THUMPD2: variants seen among roughly 807,000 people sequenced by gnomAD.
THUMPD2 encodes the protein THUMP domain 2 tRNA and snRNA guanosine methyltransferase.
THUMPD2 carries 56 observed loss-of-function variants against 49.4 expected under a neutral mutation model. The observed-to-expected ratio is 1.13, with a 90% CI of 0.91 to 1.41. The LOEUF (loss-of-function observed/expected upper bound fraction) is 1.41. Ranked by LOEUF, THUMPD2 falls within the 40% of genes most tolerant of loss-of-function variation. THUMPD2 has a pLI of 0.00. For synonymous variants in THUMPD2, 237 were observed against 205.2 expected (o/e 1.15, Z -1.32); for missense variants, 709 against 594.5 (o/e 1.19, Z -2.00).
chr2:39,756,986 T>G (rs1028538996), intron 6 of THUMPD2, among the ~76,000 whole-genome samples: 1 of 150,280 alleles, frequency 6.7e-6, no homozygotes, highest in African/African-American at 2.4e-5. Flanking sequence ...TTGGAAGAGA[T>G]ACCCTTCTGG....
At chr2:39,772,657 C>T (rs1678487751) in intron 1 of THUMPD2, among the ~76,000 whole-genome samples, 1 of 152,140 alleles carries the variant, frequency 6.6e-6, no homozygotes, top group East Asian at 1.9e-4. Context: ...AATCTTAACT[C>T]TTTTAGGGTC....
At chr2:39,761,297 T>C (rs1467658250) in intron 6 of THUMPD2, 34 bp downstream of exon 6, 7 of 1,580,606 alleles carry the variant, frequency 4.4e-6, no homozygotes, top group South Asian at 3.3e-5. Context: ...GAAAAGAACC[T>C]TGCTATTAAC....
Position 39,736,823 on chromosome 2 carries a change from A to C in THUMPD2, c.1424T>G (p.Leu475Trp), listed in dbSNP as rs750366122. The C allele has an allele frequency of 6.2e-7, 1 of 1,614,106 alleles. No homozygotes were observed. The highest frequency in any genetic ancestry group is 8.5e-7 in the Non-Finnish European group (1 of 1,180,044). ...FLDRMSPFGS[L>W]VPVECYKVSL... is the part of the protein sequence containing the mutation. ...AACTTTGTAGCATTCCACTGGTACCAAGGAGCCAAATGGTGACATTCTGTC... is the reference window on the plus strand; with the variant it reads ...AACTTTGTAGCATTCCACTGGTACCCAGGAGCCAAATGGTGACATTCTGTC... The change falls in exon 10 of 10, where the codon TTG becomes TGG. Residue 475 changes from leucine (L) to tryptophan (W), a missense_variant. Transcript: ENST00000505747.
intron 6 of THUMPD2, chr2:39,757,230 G>T: frequency 2.2e-6 from 1 of 464,718 alleles, no homozygotes. Flanking sequence ...GGGCAAGGAG[G>T]AGCAAGCAGG....
chr2:39,773,067 C>G (rs1459394623), intron 1 of THUMPD2, among the ~76,000 whole-genome samples: 3 of 152,122 alleles, frequency 2.0e-5, no homozygotes, highest in Non-Finnish European at 4.4e-5. Flanking sequence ...GTTTAGGAAT[C>G]AATATATAAG....
intron 8 of THUMPD2, among the ~76,000 whole-genome samples, chr2:39,752,841 T>C (rs1675594381): frequency 6.6e-6 from 1 of 152,190 alleles, no homozygotes; most frequent in Non-Finnish European, 1.5e-5. Flanking sequence ...GTATCAACAG[T>C]GGAGAAGAGT....
rs146912410 is a variant in THUMPD2, at chr2:39,753,562, T to G, written c.1078+1733A>C. Among the ~76,000 whole-genome samples the G allele has an allele frequency of 1.7e-3, 264 of 152,304 alleles. 2 individuals carry two copies. The highest frequency in any genetic ancestry group is 6.0e-3 in the African/African-American group (249 of 41,558). Reference sequence around the variant, plus strand: ...TGTATACTGAGGTACTAACTTGACATCTTCACTTAGAGTCTAATAATCGTG... The same window carrying G: ...TGTATACTGAGGTACTAACTTGACAGCTTCACTTAGAGTCTAATAATCGTG... On this transcript the variant is annotated intron_variant, in intron 8 of 9. Transcript: ENST00000505747.
intron 9 of THUMPD2, among the ~76,000 whole-genome samples, chr2:39,743,331 A>T (rs1021434179): frequency 6.6e-6 from 1 of 152,174 alleles, no homozygotes; most frequent in Non-Finnish European, 1.5e-5. Flanking sequence ...CCATTAGAAA[A>T]ATGCATATCC....
chr2:39,744,712 G>C lies in THUMPD2; in HGVS notation c.1079-234C>G, dbSNP rs1417992098. ...ATTGGTTTTTCAGATACAATAAAAT[G>C]TAAGTTAAGCAGAATTTTACATTAG... On this transcript the variant is annotated intron_variant, in intron 8 of 9. Coordinates refer to ENST00000505747, the MANE Select transcript of THUMPD2 (RefSeq NM_025264.5). 1.7e-5 allele frequency: 5 copies of C among 290,764 alleles called. No individual in the cohort carries two copies. The South Asian group carries it at 3.4e-4, about 20-fold the overall frequency. 18.0% of individuals were successfully genotyped at this position (290,764 alleles called of 1,614,324 possible). A position where few individuals can be genotyped will look rare whatever the true frequency, so the allele number is the denominator to read the frequency against.
intron 9 of THUMPD2, among the ~76,000 whole-genome samples, chr2:39,737,666 G>GCATGAGGGGCTTGGGAA (rs1307528538): frequency 1.3e-5 from 2 of 152,226 alleles, no homozygotes; most frequent in Non-Finnish European, 2.9e-5. Context: ...ATCAAGGCAA[G>GCATGAGGGGCTTGGGAA]CATGAGGGGC....
intron 8 of THUMPD2, among the ~76,000 whole-genome samples, chr2:39,748,175 T>C (rs1572767999): frequency 6.6e-6 from 1 of 152,316 alleles, no homozygotes; most frequent in South Asian, 2.1e-4. Flanking sequence ...TGATTATAGA[T>C]TTCCAGTATA....
intron 8 of THUMPD2, among the ~76,000 whole-genome samples, chr2:39,751,634 C>T (rs1045295914): frequency 1.3e-4 from 20 of 149,180 alleles, no homozygotes; most frequent in Non-Finnish European, 2.4e-4. Context: ...ATTTTCATAA[C>T]GATTAAAACT....
rs758175538 is a variant in THUMPD2, at chr2:39,771,487, C to G, written c.262+18G>C. On this transcript the variant is annotated intron_variant, in intron 2 of 9. Transcript: ENST00000505747. ...GTATCATGTGGGTAAAAGCAACATG[C>G]ATATGAATATGCCATACCTTTACTT... 1 of 1,578,646 alleles carries G rather than the reference C, an allele frequency of 6.3e-7. No homozygotes were observed. Among genetic ancestry groups the G allele is most frequent in the Non-Finnish European group, 8.6e-7 (1 of 1,169,292 alleles).
intron 9 of THUMPD2, among the ~76,000 whole-genome samples, chr2:39,743,337 T>C (rs1305618090): frequency 6.6e-6 from 1 of 152,236 alleles, no homozygotes; most frequent in African/African-American, 2.4e-5. Context: ...GAAAAATGCA[T>C]ATCCATGACT....
chr2:39,775,487 C>T (rs1678950303), intron 1 of THUMPD2, among the ~76,000 whole-genome samples: 1 of 151,974 alleles, frequency 6.6e-6, no homozygotes, highest in Admixed American at 6.6e-5. Context: ...AAAGGGCATT[C>T]AGCTGGGCAT....
chr2:39,766,058 T>G lies in THUMPD2; in HGVS notation c.802A>C (p.Arg268=). Residue 268 remains arginine (R), a splice_region_variant and synonymous_variant, in exon 5 of 10, where the codon AGG becomes CGG. Coordinates refer to ENST00000505747, the MANE Select transcript of THUMPD2 (RefSeq NM_025264.5). The part of the protein sequence containing the change: ...IYSVVGIPVF[R]VSLASRAYIK... ...AAACCGGAAGCTTAGAATATCTACC[T>G]GAACACAGGAATCCCCACCACAGAG... 2.5e-6 allele frequency: 4 copies of G among 1,581,054 alleles called. No homozygotes were observed. Among genetic ancestry groups the G allele is most frequent in the Non-Finnish European group, 3.4e-6 (4 of 1,168,364 alleles).
At chr2:39,771,100 T>C (rs544238141) in intron 2 of THUMPD2, among the ~76,000 whole-genome samples, 1 of 152,252 alleles carries the variant, frequency 6.6e-6, no homozygotes, top group African/African-American at 2.4e-5. Context: ...TACTATGCAG[T>C]ATTTTTCCAA....
chr2:39,769,837 T>C lies in THUMPD2; in HGVS notation c.545A>G (p.Glu182Gly). 1 of 1,612,772 alleles carries C rather than the reference T, an allele frequency of 6.2e-7. No individual in the cohort carries two copies. The highest frequency in any genetic ancestry group is 8.5e-7 in the Non-Finnish European group (1 of 1,179,634). The change falls in exon 3 of 10, where the codon GAA (glutamate) becomes GGA (glycine). Residue 182 changes from glutamate (E) to glycine (G), a missense_variant. Physicochemically the swap from Glu to Gly is moderately conservative, Grantham distance 98. Coordinates refer to ENST00000505747, the MANE Select transcript of THUMPD2 (RefSeq NM_025264.5). ...LEQRDFTTKSEKFQEEEFQND... is the reference protein window; with the variant it reads ...LEQRDFTTKSGKFQEEEFQND... Reference sequence around the variant, plus strand: ...CTGAAATTCTTCTTCTTGAAACTTTTCGCTTTTAGTGGTAAAATCTCTTTG... The same window carrying C: ...CTGAAATTCTTCTTCTTGAAACTTTCCGCTTTTAGTGGTAAAATCTCTTTG...
intron 3 of THUMPD2, chr2:39,769,119 C>T (rs185810291): frequency 3.5e-4 from 451 of 1,300,010 alleles, no homozygotes; most frequent in Admixed American, 2.4e-3. Flanking sequence ...ACTGAATAAG[C>T]ACAAAGCTGA....
Sources: gnomAD v4.1 joint callset for allele counts (sites outside exome capture counted in the v4.1 genomes callset) on GRCh38, gnomAD v4.1.1 for gene constraint, MANE v1.5 for transcripts, NCBI Gene and HGNC (gene_info 2026-07-23, HGNC 2026-07-21) for gene names.